HUNK: variants seen among roughly 807,000 people sequenced by gnomAD.
HUNK encodes hormonally up-regulated Neu-associated kinase.
In HUNK, 21 loss-of-function variants were observed where a neutral mutation model predicts 61.0. The ratio of observed to expected loss-of-function variants is 0.34; its 90% CI spans 0.24 to 0.50. The LOEUF (loss-of-function observed/expected upper bound fraction) is 0.50. Among genes scored for constraint, HUNK ranks in the 20% least tolerant of loss-of-function variants. HUNK has a pLI of 0.98. For missense variants in HUNK, 772 were observed against 945.7 expected (o/e 0.82, Z 2.41); for synonymous variants, 371 against 386.1 (o/e 0.96, Z 0.46).
chr21:31,924,158 A>G lies in HUNK; in HGVS notation c.262-310A>G, dbSNP rs1030703319. ...CATCCTGTAGAAAAATAAATTTGACATTAATCCTGCACTGTGCCTTCCAGA... is the reference window on the plus strand; with the variant it reads ...CATCCTGTAGAAAAATAAATTTGACGTTAATCCTGCACTGTGCCTTCCAGA... On this transcript the variant is annotated intron_variant, in intron 1 of 10. Coordinates refer to ENST00000270112, the MANE Select transcript of HUNK (RefSeq NM_014586.2). This position sits in a 1 kb window ranked among gnomAD's most constrained non-coding sequence, Gnocchi z 5.1. Among the ~76,000 whole-genome samples the G allele has an allele frequency of 1.3e-5, 2 of 152,146 alleles. No individual in the cohort carries two copies. The highest frequency in any genetic ancestry group is 1.3e-4 in the Admixed American group (2 of 15,268).
At chr21:31,990,016 G>T in intron 8 of HUNK, 113 bp from the exon 9 acceptor site, 2 of 976,866 alleles carry the variant, frequency 2.0e-6, no homozygotes, top group South Asian at 2.6e-5. Flanking sequence ...TTCTGTCTAT[G>T]AAAACCGAAA....
At chr21:31,901,801 G>A (rs2052469845) in intron 1 of HUNK, among the ~76,000 whole-genome samples, 1 of 152,106 alleles carries the variant, frequency 6.6e-6, no homozygotes, top group Non-Finnish European at 1.5e-5. Flanking sequence ...AGAGTAAGAT[G>A]TTTTTGTTTT....
At chr21:31,942,285 C>T (rs1330688716) in intron 3 of HUNK, among the ~76,000 whole-genome samples, 2 of 152,204 alleles carry the variant, frequency 1.3e-5, no homozygotes, top group Non-Finnish European at 2.9e-5. Flanking sequence ...ATTGCCCATC[C>T]TGTTTCTTCC....
At chr21:31,986,120 C>A (rs954627241) in intron 8 of HUNK, among the ~76,000 whole-genome samples, 1 of 152,076 alleles carries the variant, frequency 6.6e-6, no homozygotes, top group Non-Finnish European at 1.5e-5. Context: ...ACCCCTCTGG[C>A]CAGTTGCTTA....
intron 1 of HUNK, among the ~76,000 whole-genome samples, chr21:31,907,974 G>A (rs2052518241): frequency 6.6e-6 from 1 of 151,954 alleles, no homozygotes; most frequent in Non-Finnish European, 1.5e-5. Context: ...CTGGGTGACA[G>A]AGCGAGTCTC....
At position 31,966,610 on chromosome 21, in the gene HUNK, G is replaced by C. The variant is rs1601402118; in HGVS notation, c.875-1640G>C. On this transcript the variant is annotated intron_variant, in intron 5 of 10. Coordinates refer to ENST00000270112, the MANE Select transcript of HUNK (RefSeq NM_014586.2). ...TGGCATCACAACTGGCCCCTTTTTTGATGGCCTCATTTTTACCCTGCAGAA... is the reference window on the plus strand; with the variant it reads ...TGGCATCACAACTGGCCCCTTTTTTCATGGCCTCATTTTTACCCTGCAGAA... Among the ~76,000 whole-genome samples the C allele has an allele frequency of 2.6e-5, 4 of 152,188 alleles. No individual in the cohort carries two copies. In the South Asian group the frequency reaches 8.3e-4, roughly 32 times the overall value.
At chr21:31,979,596 A>G (rs1365050832) in intron 7 of HUNK, among the ~76,000 whole-genome samples, 2 of 136,916 alleles carry the variant, frequency 1.5e-5, no homozygotes, top group Non-Finnish European at 3.0e-5. Flanking sequence ...GCTCACTGCA[A>G]GCTCCGCCTC....
At chr21:31,925,551 T>C (rs550963629) in intron 2 of HUNK, among the ~76,000 whole-genome samples, 3 of 152,244 alleles carry the variant, frequency 2.0e-5, no homozygotes, top group Non-Finnish European at 4.4e-5. Context: ...AGACACTCAA[T>C]AGCAGTTTTA....
intron 6 of HUNK, among the ~76,000 whole-genome samples, chr21:31,971,797 A>G (rs897376290): frequency 1.1e-5 from 1 of 90,078 alleles, no homozygotes; most frequent in Non-Finnish European, 2.2e-5. Flanking sequence ...GATGTTTGCT[A>G]GGTGCCAGCT....
chr21:31,887,747 G>C (rs936609503), intron 1 of HUNK, among the ~76,000 whole-genome samples: 7 of 152,236 alleles, frequency 4.6e-5, no homozygotes, highest in Non-Finnish European at 7.3e-5. Flanking sequence ...TAAAGGAACA[G>C]TGGATGTTGT....
chr21:31,996,305 G>A (rs903304714), intron 10 of HUNK, among the ~76,000 whole-genome samples: 1 of 152,112 alleles, frequency 6.6e-6, no homozygotes, highest in East Asian at 1.9e-4. Flanking sequence ...AGGAATTGTG[G>A]GAGTAGAGAT....
chr21:31,916,161 C>T (rs925093987), intron 1 of HUNK, among the ~76,000 whole-genome samples: 3 of 149,440 alleles, frequency 2.0e-5, no homozygotes, highest in Non-Finnish European at 4.4e-5. Context: ...TGCCATTCTC[C>T]TGCCTCAGCC....
intron 9 of HUNK, among the ~76,000 whole-genome samples, chr21:31,990,440 C>T (rs906531635): frequency 1.3e-5 from 2 of 151,212 alleles, no homozygotes; most frequent in Admixed American, 6.6e-5. Context: ...TTTTTAAAGC[C>T]GTTGACTGAT....
chr21:31,975,423 T>A (rs1001061876), intron 7 of HUNK, among the ~76,000 whole-genome samples: 3 of 152,178 alleles, frequency 2.0e-5, no homozygotes, highest in Non-Finnish European at 4.4e-5. Context: ...ATTCTGCAAA[T>A]TGGATCCAAG....
chr21:31,901,075 A>G (rs2052463670), intron 1 of HUNK, among the ~76,000 whole-genome samples: 1 of 152,064 alleles, frequency 6.6e-6, no homozygotes, highest in Non-Finnish European at 1.5e-5. Flanking sequence ...TCCTTTTTAT[A>G]AGGACGCCAG....
chr21:31,887,302 AG>A (rs1460259942), intron 1 of HUNK, among the ~76,000 whole-genome samples: 1 of 152,162 alleles, frequency 6.6e-6, no homozygotes, highest in African/African-American at 2.4e-5. Context: ...AACAGATGGG[AG>A]AAGTTGCTAT....
chr21:31,935,669 C>T (rs185475392), intron 2 of HUNK, among the ~76,000 whole-genome samples: 1 of 152,254 alleles, frequency 6.6e-6, no homozygotes, highest in Non-Finnish European at 1.5e-5. Flanking sequence ...CAGTATGTAG[C>T]CATTTCTGAC....
intron 6 of HUNK, among the ~76,000 whole-genome samples, chr21:31,972,474 C>T (rs1278973841): frequency 1.3e-5 from 2 of 152,116 alleles, no homozygotes; most frequent in Non-Finnish European, 2.9e-5. Context: ...TGGCAGAGCT[C>T]GTTTTTGAAG....
intron 4 of HUNK, among the ~76,000 whole-genome samples, chr21:31,956,855 C>T (rs570628957): frequency 5.9e-5 from 9 of 152,276 alleles, no homozygotes; most frequent in African/African-American, 1.4e-4. Flanking sequence ...TTGTATCTGC[C>T]GAACCCCTAT....
Sources: gnomAD v4.1 joint callset for allele counts (sites outside exome capture counted in the v4.1 genomes callset) on GRCh38, gnomAD v4.1.1 for gene constraint, Gnocchi (gnomAD v3.1) non-coding constraint, MANE v1.5 for transcripts, NCBI Gene and HGNC (gene_info 2026-07-23, HGNC 2026-07-21) for gene names.